The following ZNF346 variants were observed in gnomAD, a reference collection of about 807,000 sequenced individuals.
ZNF346 encodes the protein zinc finger protein 346, also known as double-stranded RNA-binding zinc finger protein JAZ.
A neutral mutation model predicts 33.7 loss-of-function variants in ZNF346; 23 were observed. The ratio of observed to expected loss-of-function variants is 0.68; its 90% confidence interval spans 0.49 to 0.97. The LOEUF (loss-of-function observed/expected upper bound fraction) is 0.97, where lower values mean the gene tolerates loss of function less well. Among genes scored for constraint, ZNF346 ranks in the 50% least tolerant of loss-of-function variants. The probability of loss-of-function intolerance (pLI) is 0.00; values close to 1 mark genes in which losing one functional copy is unlikely to be tolerated. For missense variants in ZNF346, 340 were observed against 371.1 expected, an observed-to-expected ratio of 0.92 and a Z score of 0.69; for synonymous variants, 134 against 142.4, an observed-to-expected ratio of 0.94 and a Z score of 0.42.
chr5:177,062,507 C>T (rs985323290), intron 6 of ZNF346, among the ~76,000 whole-genome samples: 2 of 152,136 alleles, frequency 1.3e-5, no homozygotes, highest in African/African-American at 2.4e-5. Context: ...CTCTATAGGT[C>T]ATTATCAAAT....
intron 1 of ZNF346, among the ~76,000 whole-genome samples, chr5:177,040,253 A>G (rs1779161390): frequency 6.6e-6 from 1 of 152,166 alleles, no homozygotes; most frequent in Non-Finnish European, 1.5e-5. Flanking sequence ...CTTCTCAAAA[A>G]GGTAAGACTG....
At chr5:177,056,656 A>C (rs1007237928) in intron 5 of ZNF346, among the ~76,000 whole-genome samples, 1 of 152,114 alleles carries the variant, frequency 6.6e-6, no homozygotes, top group South Asian at 2.1e-4. Flanking sequence ...TGAGCAAACT[A>C]TCACAAGGAC....
chr5:177,052,139 T>A (rs1781016762), intron 5 of ZNF346, among the ~76,000 whole-genome samples: 1 of 151,904 alleles, frequency 6.6e-6, no homozygotes. Context: ...TATTCCAACC[T>A]GAGTGAGAGC....
At chr5:177,041,561 A>G (rs1203005411) in intron 2 of ZNF346, among the ~76,000 whole-genome samples, 2 of 152,214 alleles carry the variant, frequency 1.3e-5, no homozygotes, top group Non-Finnish European at 2.9e-5. Flanking sequence ...TTCCTCATCC[A>G]TAAAATAGAA....
At chr5:177,036,599 G>GTC (rs1248686889) in intron 1 of ZNF346, among the ~76,000 whole-genome samples, 1 of 152,028 alleles carries the variant, frequency 6.6e-6, no homozygotes, top group Non-Finnish European at 1.5e-5. Flanking sequence ...GCCCTCTCAG[G>GTC]TCTCCGCTGT....
chr5:177,054,968 G>A (rs1781470873), intron 5 of ZNF346, among the ~76,000 whole-genome samples: 1 of 150,634 alleles, frequency 6.6e-6, no homozygotes, highest in Admixed American at 6.6e-5. Context: ...AAATTGTATT[G>A]AAATTTTACT....
intron 1 of ZNF346, among the ~76,000 whole-genome samples, chr5:177,027,173 C>T (rs1453870279): frequency 6.6e-6 from 1 of 151,698 alleles, no homozygotes; most frequent in Non-Finnish European, 1.5e-5. Flanking sequence ...GTGCCTCAGC[C>T]TCTCAGGTAG....
At chr5:177,056,825 TAATG>T (rs919961048) in intron 5 of ZNF346, among the ~76,000 whole-genome samples, 1 of 152,072 alleles carries the variant, frequency 6.6e-6, no homozygotes, top group African/African-American at 2.4e-5. Context: ...AATGACTAGT[TAATG>T]GATGCAGCAC....
chr5:177,028,724 T>C (rs900027054), intron 1 of ZNF346, among the ~76,000 whole-genome samples: 2 of 124,602 alleles, frequency 1.6e-5, no homozygotes, highest in Non-Finnish European at 3.4e-5. Flanking sequence ...TTTTTTTTTT[T>C]TTTTTTTTTT....
At chr5:177,033,325 A>G (rs1777994716) in intron 1 of ZNF346, among the ~76,000 whole-genome samples, 1 of 152,160 alleles carries the variant, frequency 6.6e-6, no homozygotes, top group Non-Finnish European at 1.5e-5. Context: ...GCAATCCTCT[A>G]GCCTCAGTCT....
Position 177,064,537 on chromosome 5 carries a change from C to G in ZNF346, c.823C>G (p.Leu275Val). 1.9e-6 allele frequency: 3 copies of G among 1,614,230 alleles called. No homozygotes were observed. Among genetic ancestry groups the G allele is most frequent in the Non-Finnish European group, 1.7e-6 (2 of 1,180,016 alleles). The part of the protein sequence containing the change: ...NQSPKTVASS[L>V]GQIPMQRQPI... ...GTCACCAAAAACAGTGGCATCATCC[C>G]TGGGCCAGATTCCAATGCAAAGGCA... Residue 275 changes from leucine to valine, a missense_variant, in exon 7 of 7, where the codon CTG becomes GTG. Transcript: ENST00000358149.
chr5:177,037,030 A>G (rs1193365765), intron 1 of ZNF346, among the ~76,000 whole-genome samples: 1 of 152,120 alleles, frequency 6.6e-6, no homozygotes, highest in African/African-American at 2.4e-5. Context: ...TGCAAGCACA[A>G]AATTGCTCTC....
At chr5:177,071,635 A>T (rs564969320), downstream of ZNF346, among the ~76,000 whole-genome samples, 1 of 150,598 alleles carries the variant, frequency 6.6e-6, no homozygotes, top group East Asian at 2.0e-4. Context: ...CAGTGAGCTG[A>T]GATCGTGCCA....
At chr5:177,032,227 C>A (rs1341272358) in intron 1 of ZNF346, among the ~76,000 whole-genome samples, 1 of 151,920 alleles carries the variant, frequency 6.6e-6, no homozygotes, top group African/African-American at 2.4e-5. Flanking sequence ...TGGTTTTGAC[C>A]TCCTGACCTC....
rs1256516566 is a variant in ZNF346 at position 177,067,623 on chromosome 5, T to C, written c.*3024T>C. 6.6e-6 allele frequency among the ~76,000 whole-genome samples: 1 copy of C among 152,134 alleles called. No individual in the cohort carries two copies. Among genetic ancestry groups the C allele is most frequent in the Non-Finnish European group, 1.5e-5 (1 of 68,036 alleles). ...CCAGCTGTGTGGCCAGCCCTGTTGG[T>C]AAAGGGACCTAGAGATGAACACTTT... On this transcript the variant is annotated 3_prime_UTR_variant, in exon 7 of 7. Coordinates refer to ENST00000358149, the MANE Select transcript of ZNF346 (RefSeq NM_012279.4).
At chr5:177,047,500 G>A (rs773049900) in intron 4 of ZNF346, among the ~76,000 whole-genome samples, 9 of 151,474 alleles carry the variant, frequency 5.9e-5, no homozygotes, top group Non-Finnish European at 8.8e-5. Flanking sequence ...CACCATACCC[G>A]GCTAATGTTG....
Position 177,041,846 on chromosome 5 carries a change from A to G in ZNF346, c.348A>G (p.Glu116=). 1 of 1,613,162 alleles carries G rather than the reference A, an allele frequency of 6.2e-7. No individual in the cohort carries two copies. The highest frequency in any genetic ancestry group is 8.5e-7 in the Non-Finnish European group (1 of 1,179,230). Residue 116 remains glutamate (E), a synonymous_variant, in exon 3 of 7, where the codon GAA becomes GAG. Transcript: ENST00000358149. ...AIHGMETLKG[E]TKKLDSDQKS... ...ATGGAATGGAGACATTAAAGGGGGA[A>G]ACGAAGAAGCTAGACTCAGATCAGG...
intron 1 of ZNF346, among the ~76,000 whole-genome samples, chr5:177,029,153 G>A (rs1185638751): frequency 2.0e-5 from 3 of 152,132 alleles, no homozygotes; most frequent in Non-Finnish European, 4.4e-5. Flanking sequence ...GGAAGTTACA[G>A]CCCCCCATCT....
intron 8 of ZNF346, among the ~76,000 whole-genome samples, chr5:177,076,929 T>C (rs1361935366): frequency 6.6e-6 from 1 of 152,048 alleles, no homozygotes; most frequent in Non-Finnish European, 1.5e-5. Flanking sequence ...TAATCCCAGC[T>C]ACTTGGGAGG....
Sources: gnomAD v4.1 joint callset for allele counts (sites outside exome capture counted in the v4.1 genomes callset) on GRCh38, gnomAD v4.1.1 for gene constraint, MANE v1.5 for transcripts, NCBI Gene and HGNC (gene_info 2026-07-23, HGNC 2026-07-21) for gene names.